Variants in LAMA2 observed in about 807,000 individuals in gnomAD.
The protein encoded by LAMA2 is laminin subunit alpha-2.
LAMA2 carries 269 observed loss-of-function variants against 364.8 expected under a neutral mutation model. That is an observed-to-expected ratio of 0.74 (90% CI 0.67 to 0.82). The LOEUF (loss-of-function observed/expected upper bound fraction) is 0.82. Among genes scored for constraint, LAMA2 ranks in the 40% least tolerant of loss-of-function variants. The pLI is 0.00. For missense variants in LAMA2, 3,807 were observed against 3,873.2 expected (o/e 0.98, Z 0.45); for synonymous variants, 1,379 against 1,370.6 (o/e 1.01, Z -0.14).
At chr6:128,892,313 G>A (rs1776502151) in intron 1 of LAMA2, among the ~76,000 whole-genome samples, 1 of 151,944 alleles carries the variant, frequency 6.6e-6, no homozygotes, top group African/African-American at 2.4e-5. Context: ...TAACAGTTAT[G>A]TTAGTAGCTC....
At chr6:128,914,508 C>T (rs2114467771) in intron 1 of LAMA2, among the ~76,000 whole-genome samples, 1 of 152,264 alleles carries the variant, frequency 6.6e-6, no homozygotes, top group Middle Eastern at 3.4e-3. Flanking sequence ...CATTATAGCT[C>T]CCGGGCCCAG....
chr6:129,316,315 T>G (rs557423671), intron 27 of LAMA2, 144 bp downstream of exon 27: 1 of 688,066 alleles, frequency 1.5e-6, no homozygotes, highest in South Asian at 1.8e-5. Context: ...GGCTTCCCTG[T>G]GACCTGGAAG....
chr6:129,378,334 A>G (rs1202127456), intron 34 of LAMA2, among the ~76,000 whole-genome samples: 1 of 152,226 alleles, frequency 6.6e-6, no homozygotes, highest in Non-Finnish European at 1.5e-5. Context: ...TAACATTATC[A>G]ATAGCCTGTC....
intron 12 of LAMA2, among the ~76,000 whole-genome samples, chr6:129,248,128 A>C (rs1347237913): frequency 2.6e-5 from 4 of 152,100 alleles, no homozygotes; most frequent in East Asian, 1.9e-4. Context: ...AGGAGCAGGA[A>C]CCTTATTGTG....
In LAMA2 at chr6:129,048,252, G is replaced by C. The variant is rs143678906; in HGVS notation, c.113-1666G>C. Among the ~76,000 whole-genome samples the C allele has an allele frequency of 2.2e-4, 33 of 152,048 alleles. No individual in the cohort carries two copies. In the South Asian group the frequency reaches 5.8e-3, roughly 27 times the overall value. ...TCCAATATTTATAATCTAATTATTCGTTTATTTTACAAATACATTGAGTGC... is the reference window on the plus strand; with the variant it reads ...TCCAATATTTATAATCTAATTATTCCTTTATTTTACAAATACATTGAGTGC... On this transcript the variant is annotated intron_variant, in intron 1 of 64. Coordinates refer to ENST00000421865, the MANE Select transcript of LAMA2 (RefSeq NM_000426.4).
intron 29 of LAMA2, among the ~76,000 whole-genome samples, chr6:129,342,070 T>C (rs112470368): frequency 3.3e-5 from 5 of 152,330 alleles, no homozygotes; most frequent in African/African-American, 1.2e-4. Flanking sequence ...AAAATTTACA[T>C]AGAGATTGAT....
chr6:128,927,307 T>C (rs1779160411), intron 1 of LAMA2, among the ~76,000 whole-genome samples: 1 of 152,208 alleles, frequency 6.6e-6, no homozygotes, highest in South Asian at 2.1e-4. Context: ...ATGTCTTAAA[T>C]ACTTAGACAT....
chr6:128,902,150 C>A (rs1304170445), intron 1 of LAMA2, among the ~76,000 whole-genome samples: 1 of 152,210 alleles, frequency 6.6e-6, no homozygotes, highest in Non-Finnish European at 1.5e-5. Flanking sequence ...ATGGGGGAAT[C>A]ACTCTCATGA....
intron 62 of LAMA2, among the ~76,000 whole-genome samples, chr6:129,511,371 C>T (rs1786558984): frequency 6.7e-6 from 1 of 149,474 alleles, no homozygotes; most frequent in South Asian, 2.1e-4. Context: ...AATTCAGCTT[C>T]TTCTACCCTT....
intron 32 of LAMA2, among the ~76,000 whole-genome samples, chr6:129,356,027 A>T (rs1401324477): frequency 6.6e-6 from 1 of 152,138 alleles, no homozygotes; most frequent in African/African-American, 2.4e-5. Context: ...GGCAAAACAA[A>T]GCCAATGCAG....
intron 1 of LAMA2, among the ~76,000 whole-genome samples, chr6:128,949,299 C>T (rs917654661): frequency 6.6e-6 from 1 of 152,072 alleles, no homozygotes; most frequent in African/African-American, 2.4e-5. Flanking sequence ...CTTCTTTAAC[C>T]AAGGGCCAAA....
At chr6:129,052,539 C>T (rs1172335104) in intron 2 of LAMA2, among the ~76,000 whole-genome samples, 2 of 151,986 alleles carry the variant, frequency 1.3e-5, no homozygotes, top group Non-Finnish European at 2.9e-5. Flanking sequence ...CCCCATATTT[C>T]CCCCGCCCCA....
chr6:129,341,574 A>C (rs1271554046), intron 29 of LAMA2, among the ~76,000 whole-genome samples: 2 of 152,160 alleles, frequency 1.3e-5, no homozygotes, highest in East Asian at 1.9e-4. Context: ...CCCAAAGTCT[A>C]AGTAAATTTC....
At position 129,259,697 on chromosome 6, in the gene LAMA2, T is replaced by C. The variant is rs12523912; in HGVS notation, c.2097-1014T>C. Among the ~76,000 whole-genome samples the C allele has an allele frequency of 6.1e-3, 934 of 152,208 alleles. 5 individuals carry two copies. The highest frequency in any genetic ancestry group is 0.01 in the Non-Finnish European group (707 of 67,962). On this transcript the variant is annotated intron_variant, in intron 14 of 64. Transcript: ENST00000421865. ...ATAACCTACTGTGTGTTACATATTA[T>C]ACCAAGAAGTTTATATTCATTTCCT...
chr6:128,927,693 A>G (rs1317061431), intron 1 of LAMA2, among the ~76,000 whole-genome samples: 1 of 152,064 alleles, frequency 6.6e-6, no homozygotes, highest in Non-Finnish European at 1.5e-5. Flanking sequence ...TTAGATTCCT[A>G]CTAGATCCCT....
At chr6:129,131,336 G>C (rs919236640) in intron 4 of LAMA2, among the ~76,000 whole-genome samples, 5 of 152,120 alleles carry the variant, frequency 3.3e-5, no homozygotes, top group African/African-American at 4.8e-5. Flanking sequence ...TTCTTGAGTT[G>C]TAATATTTCT....
chr6:129,208,691 AAAAG>A (rs1356961299), intron 12 of LAMA2, among the ~76,000 whole-genome samples: 111 of 138,478 alleles, frequency 8.0e-4, no homozygotes, highest in African/African-American at 3.0e-3. Context: ...GAAAGAAAGA[AAAAG>A]GAAGGAAGGA....
At chr6:129,426,304 T>C (rs1415338487) in intron 40 of LAMA2, among the ~76,000 whole-genome samples, 1 of 152,176 alleles carries the variant, frequency 6.6e-6, no homozygotes, top group Non-Finnish European at 1.5e-5. Flanking sequence ...CATTCTTTCA[T>C]TGTAATTTCC....
intron 28 of LAMA2, among the ~76,000 whole-genome samples, 186 bp from the exon 29 acceptor site, chr6:129,328,092 G>A (rs936586171): frequency 1.3e-5 from 2 of 152,180 alleles, no homozygotes; most frequent in Admixed American, 6.5e-5. Context: ...GATGCCGCCC[G>A]AACACCTTGG....
Sources: allele counts gnomAD v4.1 joint callset (sites outside exome capture counted in the v4.1 genomes callset), GRCh38; gene constraint gnomAD v4.1.1; transcripts MANE v1.5; gene names NCBI Gene and HGNC (gene_info 2026-07-23, HGNC 2026-07-21).